Variants in ACSBG1 observed in about 807,000 individuals in gnomAD.
ACSBG1 encodes the protein long-chain-fatty-acid--CoA ligase ACSBG1.
Under a neutral mutation model 80.2 loss-of-function variants are expected in ACSBG1, and 39 were observed. The ratio of observed to expected loss-of-function variants is 0.49; its 90% CI spans 0.38 to 0.64. The LOEUF is 0.64. Among genes scored for constraint, ACSBG1 ranks in the 30% least tolerant of loss-of-function variants. ACSBG1 has a pLI of 0.00. For synonymous variants in ACSBG1, 392 were observed against 379.5 expected (o/e 1.03, Z -0.38); for missense variants, 828 against 966.4 (o/e 0.86, Z 1.90).
chr15:78,210,247 C>T (rs559177959), intron 1 of ACSBG1, among the ~76,000 whole-genome samples: 2 of 152,324 alleles, frequency 1.3e-5, no homozygotes, highest in East Asian at 1.9e-4. Flanking sequence ...GAACACCTTC[C>T]TTATCCCTGT....
intron 9 of ACSBG1, 34 bp from the exon 10 acceptor site, chr15:78,179,814 A>ATC (rs1567080123): frequency 8.5e-7 from 1 of 1,172,932 alleles, no homozygotes; most frequent in Admixed American, 2.2e-5. Context: ...CACAGAAGAA[A>ATC]TCACACACAC....
At chr15:78,211,947 T>G (rs12902247) in intron 1 of ACSBG1, among the ~76,000 whole-genome samples, 2 of 152,050 alleles carry the variant, frequency 1.3e-5, no homozygotes, top group Non-Finnish European at 1.5e-5. Flanking sequence ...CCTCTGGCCA[T>G]GAGTACTTAC....
At chr15:78,218,991 T>C (rs1231118777) in intron 1 of ACSBG1, among the ~76,000 whole-genome samples, 1 of 152,012 alleles carries the variant, frequency 6.6e-6, no homozygotes, top group African/African-American at 2.4e-5. Context: ...TTTGTATTTT[T>C]AGTAGAGATG....
At chr15:78,209,461 G>A (rs1011172) in intron 1 of ACSBG1, among the ~76,000 whole-genome samples, 50,340 of 152,084 alleles carry the variant, frequency 0.33, 9,357 homozygotes, top group East Asian at 0.59. Flanking sequence ...GTGTGCTTCC[G>A]GGGCGAGGCC....
At chr15:78,179,835 A>AC in intron 9 of ACSBG1, 55 bp from the exon 10 acceptor site, 1 of 1,302,050 alleles carries the variant, frequency 7.7e-7, no homozygotes, top group Non-Finnish European at 1.1e-6. Context: ...ACACACACAC[A>AC]CACACACATA....
chr15:78,187,110 C>A (rs1286380708), intron 5 of ACSBG1, among the ~76,000 whole-genome samples: 1 of 152,176 alleles, frequency 6.6e-6, no homozygotes, highest in African/African-American at 2.4e-5. Flanking sequence ...TACACCCTCC[C>A]AAGACTAAAC....
intron 1 of ACSBG1, among the ~76,000 whole-genome samples, chr15:78,229,387 T>C (rs2075428997): frequency 6.6e-6 from 1 of 152,252 alleles, no homozygotes; most frequent in South Asian, 2.1e-4. Flanking sequence ...AAAGCCCAGA[T>C]AGTCCATGTT....
At position 78,168,763 on chromosome 15, in the gene ACSBG1, A is replaced by C. The variant is rs1010737896; in HGVS notation, c.*2681T>G. On this transcript the variant is annotated 3_prime_UTR_variant, in exon 14 of 14. Transcript: ENST00000258873. Reference sequence around the variant, plus strand: ...GGATCCCGATCCTCCTGGGCTGGGTAGATGGTGGTGGAGTGGTTCCTCACT... The same window carrying C: ...GGATCCCGATCCTCCTGGGCTGGGTCGATGGTGGTGGAGTGGTTCCTCACT... 5 of 610,508 alleles carry C rather than the reference A, an allele frequency of 8.2e-6. No individual in the cohort carries two copies. The East Asian group carries it at 1.3e-4, about 16-fold the overall frequency. 37.8% of individuals were successfully genotyped at this position (610,508 alleles called of 1,614,324 possible). A position where few individuals can be genotyped will look rare whatever the true frequency, so the allele number is the denominator to read the frequency against.
Position 78,169,176 on chromosome 15 carries a change from G to C in ACSBG1, c.*2268C>G, listed in dbSNP as rs541461978. 2.6e-5 allele frequency: 11 copies of C among 418,450 alleles called. No homozygotes were observed. In the South Asian group the frequency reaches 6.9e-4, roughly 26 times the overall value. The allele number at this position is 418,450 out of a possible 1,614,324, so 25.9% of individuals were successfully genotyped here. On this transcript the variant is annotated 3_prime_UTR_variant, in exon 14 of 14. Coordinates refer to ENST00000258873, the MANE Select transcript of ACSBG1 (RefSeq NM_015162.5). ...CAAAAGATGCAGGTGGATGTCCCTA[G>C]GTCTGTTTTCAAAGAACTTTTTCCA...
chr15:78,214,503 G>T, intron 1 of ACSBG1, among the ~76,000 whole-genome samples: 1 of 152,092 alleles, frequency 6.6e-6, no homozygotes, highest in East Asian at 1.9e-4. Flanking sequence ...GCAGTGGCCC[G>T]ATTTTGGCTT....
chr15:78,212,663 T>C, intron 1 of ACSBG1: 1 of 451,396 alleles, frequency 2.2e-6, no homozygotes, highest in Non-Finnish European at 4.5e-6. Flanking sequence ...TCAGAGAACA[T>C]GTCACGGAGT....
chr15:78,183,974 G>T (rs2141334083), intron 5 of ACSBG1, among the ~76,000 whole-genome samples: 1 of 151,930 alleles, frequency 6.6e-6, no homozygotes, highest in Non-Finnish European at 1.5e-5. Context: ...AAATAAGTTA[G>T]CCCAAGATCA....
chr15:78,174,598 AACC>A lies in ACSBG1; in HGVS notation c.1703-77_1703-75del, dbSNP rs1283323619. On this transcript the variant is annotated intron_variant, in intron 11 of 13. Transcript: ENST00000258873. ...CCAGCTGAACCACAACCCAAGCCTC[AACC>A]ACAACCCGGAAGCCTCAGCACAGCT... 3.9e-6 allele frequency: 6 copies of A among 1,527,898 alleles called. No homozygotes were observed. The African/African-American group carries it at 8.2e-5, about 21-fold the overall frequency. 94.6% of individuals were successfully genotyped at this position (1,527,898 alleles called of 1,614,324 possible).
intron 5 of ACSBG1, among the ~76,000 whole-genome samples, chr15:78,191,056 A>G (rs1239350892): frequency 6.6e-6 from 1 of 152,238 alleles, no homozygotes; most frequent in Non-Finnish European, 1.5e-5. Flanking sequence ...GGTTAAAATT[A>G]AAAGAACACA....
At chr15:78,179,842 C>CAT in intron 9 of ACSBG1, 62 bp from the exon 10 acceptor site, 5 of 934,218 alleles carry the variant, frequency 5.4e-6, no homozygotes, top group South Asian at 4.9e-5. Context: ...CACACACACA[C>CAT]ATACACACAT....
intron 1 of ACSBG1, among the ~76,000 whole-genome samples, chr15:78,220,996 G>C (rs952451658): frequency 3.3e-5 from 5 of 152,186 alleles, no homozygotes; most frequent in African/African-American, 1.2e-4. Context: ...ACAAAGACTT[G>C]TACATAAATG....
intron 1 of ACSBG1, among the ~76,000 whole-genome samples, chr15:78,227,920 A>G (rs1260878475): frequency 6.6e-6 from 1 of 152,216 alleles, no homozygotes; most frequent in Non-Finnish European, 1.5e-5. Context: ...TGCCATCCTC[A>G]AGAACACCTG....
intron 2 of ACSBG1, among the ~76,000 whole-genome samples, chr15:78,197,223 G>A (rs2141352530): frequency 6.6e-6 from 1 of 152,240 alleles, no homozygotes; most frequent in African/African-American, 2.4e-5. Flanking sequence ...GCAGATTCGT[G>A]TTTGCCCCGG....
chr15:78,223,145 T>A (rs1035046097), intron 1 of ACSBG1, among the ~76,000 whole-genome samples: 3 of 152,122 alleles, frequency 2.0e-5, no homozygotes, highest in African/African-American at 7.2e-5. Flanking sequence ...GGCACATGCT[T>A]TTTGGATCCC....
Sources: allele counts gnomAD v4.1 joint callset (sites outside exome capture counted in the v4.1 genomes callset), GRCh38; gene constraint gnomAD v4.1.1; transcripts MANE v1.5; gene names NCBI Gene and HGNC (gene_info 2026-07-23, HGNC 2026-07-21).